POU2F2: variants seen among roughly 807,000 people sequenced by gnomAD.
The protein encoded by POU2F2 is POU domain, class 2, transcription factor 2.
POU2F2 carries 14 observed loss-of-function variants against 63.5 expected under a neutral mutation model. The ratio of observed to expected loss-of-function variants is 0.22; its 90% CI spans 0.15 to 0.34. The LOEUF is 0.34. Ranked by LOEUF, POU2F2 falls within the 10% of genes least tolerant of loss-of-function variation. The probability of loss-of-function intolerance (pLI) is 1.00; values close to 1 mark genes in which losing one functional copy is unlikely to be tolerated. For missense variants in POU2F2, 607 were observed against 815.2 expected, an observed-to-expected ratio of 0.74 and a Z score of 3.11; for synonymous variants, 306 against 348.6, an observed-to-expected ratio of 0.88 and a Z score of 1.36.
At chr19:42,178,725 G>T (rs1486979596), upstream of POU2F2, among the ~76,000 whole-genome samples, 1 of 152,128 alleles carries the variant, frequency 6.6e-6, no homozygotes, top group South Asian at 2.1e-4. Flanking sequence ...GAAACACAGA[G>T]AAATATACAT....
intron 1 of POU2F2, among the ~76,000 whole-genome samples, chr19:42,125,663 C>T (rs1256989062): frequency 6.6e-6 from 1 of 152,228 alleles, no homozygotes; most frequent in Non-Finnish European, 1.5e-5. Context: ...CCTAAAACTG[C>T]AGCCCCAGCC....
At chr19:42,188,366 CAAA>C (rs769784431) in intron 1 of POU2F2, among the ~76,000 whole-genome samples, 1 of 100,396 alleles carries the variant, frequency 1.0e-5, no homozygotes. Flanking sequence ...ACCTTGTCTC[CAAA>C]AAAAAAAAAA....
rs747124254 is a variant in POU2F2 at position 42,091,598 on chromosome 19, G to T, written c.1541-7C>A. ...GTTCCACCAGAGGCCAGGGCTGGCG[G>T]GGAGAGAGAGAGGCTGGGCTAAGGG... On this transcript the variant is annotated splice_region_variant and splice_polypyrimidine_tract_variant and intron_variant, in intron 14 of 14. Coordinates refer to ENST00000692977, the MANE Select transcript of POU2F2 (RefSeq NM_001394376.1). The T allele has an allele frequency of 1.3e-6, 2 of 1,544,538 alleles. No homozygotes were observed. Among genetic ancestry groups the T allele is most frequent in the Non-Finnish European group, 8.8e-7 (1 of 1,142,334 alleles).
intron 5 of POU2F2, 110 bp from the exon 6 acceptor site, chr19:42,099,931 G>C: frequency 1.2e-6 from 1 of 847,252 alleles, no homozygotes; most frequent in South Asian, 1.6e-5. Context: ...GCTCCACATG[G>C]CGATCTGGCA....
intron 1 of POU2F2, among the ~76,000 whole-genome samples, chr19:42,181,964 T>G (rs2034966067): frequency 6.6e-6 from 1 of 152,192 alleles, no homozygotes; most frequent in South Asian, 2.1e-4. Flanking sequence ...TGTGTGCGTG[T>G]GTGTACATCT....
chr19:42,171,550 A>AT lies in POU2F2; in HGVS notation c.-70+4412dup, dbSNP rs1438407859. On this transcript the variant is annotated intron_variant, in intron 1 of 6. Coordinates refer to the POU2F2 transcript ENST00000524801. ...ATGAGGGGCCGTGTCTGTTTTGGGCATGGGGGGCAGTGCGGTACAGGCATC... is the reference window on the plus strand; with the variant it reads ...ATGAGGGGCCGTGTCTGTTTTGGGCATTGGGGGGCAGTGCGGTACAGGCATC... Among the ~76,000 whole-genome samples, 4 of 151,070 alleles carry AT rather than the reference A, an allele frequency of 2.6e-5. No homozygotes were observed. In the South Asian group the frequency reaches 8.3e-4, roughly 32 times the overall value.
intron 2 of POU2F2, among the ~76,000 whole-genome samples, chr19:42,140,758 G>C (rs1370285912): frequency 6.6e-6 from 1 of 152,178 alleles, no homozygotes; most frequent in East Asian, 1.9e-4. Context: ...TTTCTGTCTT[G>C]TTCACTGTGG....
At chr19:42,114,911 G>A (rs2031648420) in intron 5 of POU2F2, among the ~76,000 whole-genome samples, 1 of 152,136 alleles carries the variant, frequency 6.6e-6, no homozygotes, top group African/African-American at 2.4e-5. Context: ...AAGCCAAGGT[G>A]GGCAGATCGC....
chr19:42,179,933 G>C (rs923248882), upstream of POU2F2, among the ~76,000 whole-genome samples: 9 of 151,956 alleles, frequency 5.9e-5, no homozygotes, highest in African/African-American at 2.2e-4. Context: ...ATACAAAGTA[G>C]GTATTTGGGT....
intron 1 of POU2F2, among the ~76,000 whole-genome samples, chr19:42,170,221 T>A (rs1020456201): frequency 1.3e-5 from 2 of 151,760 alleles, no homozygotes; most frequent in Non-Finnish European, 2.9e-5. Flanking sequence ...TCCACCCACA[T>A]CCATGCTCCG....
At chr19:42,134,900 T>G (rs2146745665), upstream of POU2F2, among the ~76,000 whole-genome samples, 1 of 151,992 alleles carries the variant, frequency 6.6e-6, no homozygotes, top group East Asian at 1.9e-4. Context: ...ATCAAATACA[T>G]TATTAGAGCG....
At chr19:42,130,723 G>A (rs1313681292) in intron 1 of POU2F2, among the ~76,000 whole-genome samples, 2 of 148,908 alleles carry the variant, frequency 1.3e-5, no homozygotes, top group South Asian at 2.1e-4. Context: ...TCTCCTCACC[G>A]CCTTTGCTTG....
chr19:42,132,460 C>A (rs766101522), upstream of POU2F2: 64 of 1,423,904 alleles, frequency 4.5e-5, no homozygotes, highest in Non-Finnish European at 5.7e-5. Context: ...ATCTCCCCAC[C>A]CTCTCTGGGG....
At chr19:42,150,301 G>C (rs1045059044) in intron 2 of POU2F2, among the ~76,000 whole-genome samples, 4 of 151,824 alleles carry the variant, frequency 2.6e-5, no homozygotes, top group African/African-American at 9.7e-5. Flanking sequence ...GGGGTGGAAG[G>C]CTTGGTGGAT....
At chr19:42,182,242 A>AAGAGAGAGAGAGAGAGAGAG (rs55947953) in intron 1 of POU2F2, among the ~76,000 whole-genome samples, 2 of 125,880 alleles carry the variant, frequency 1.6e-5, no homozygotes, top group African/African-American at 3.1e-5. Context: ...TCTGTCTCAA[A>AAGAGAGAGAGAGAGAGAGAG]AGAGAGAGAG....
intron 5 of POU2F2, among the ~76,000 whole-genome samples, chr19:42,106,149 T>C (rs983675383): frequency 6.6e-6 from 1 of 151,870 alleles, no homozygotes; most frequent in African/African-American, 2.4e-5. Flanking sequence ...TCACCCTGGC[T>C]GGAGTACAGT....
rs765664180 is a variant in POU2F2 at position 42,163,760 on chromosome 19, GA to G, written c.-69-3369del. On this transcript the variant is annotated intron_variant, in intron 1 of 6. Transcript: ENST00000524801. Reference sequence around the variant, plus strand: ...TCAATGTCTTCATTTGTAAACTGGGGATAATTATAATAGGGGAAATCAAAAA... The same window carrying G: ...TCAATGTCTTCATTTGTAAACTGGGGTAATTATAATAGGGGAAATCAAAAA... Among the ~76,000 whole-genome samples, 8 of 152,124 alleles carry G rather than the reference GA, an allele frequency of 5.3e-5. No homozygotes were observed. In the South Asian group the frequency reaches 1.5e-3, roughly 28 times the overall value.
chr19:42,187,711 G>A (rs925773837), intron 1 of POU2F2, among the ~76,000 whole-genome samples: 18 of 145,230 alleles, frequency 1.2e-4, no homozygotes, highest in Admixed American at 7.0e-4. Flanking sequence ...GCAGTGAGCC[G>A]AGATCATGCC....
chr19:42,179,495 G>C (rs958531856), upstream of POU2F2, among the ~76,000 whole-genome samples: 14 of 152,008 alleles, frequency 9.2e-5, no homozygotes, highest in Non-Finnish European at 1.9e-4. Flanking sequence ...AGACCTGGGA[G>C]GGGGTGTGAG....
Sources: allele counts gnomAD v4.1 joint callset (sites outside exome capture counted in the v4.1 genomes callset), GRCh38; gene constraint gnomAD v4.1.1; transcripts MANE v1.5; gene names NCBI Gene and HGNC (gene_info 2026-07-23, HGNC 2026-07-21).